Variants in TMEM17 observed in about 807,000 individuals in gnomAD.
TMEM17 encodes the protein transmembrane protein 17.
Under a neutral mutation model 19.1 loss-of-function variants are expected in TMEM17, and 15 were observed. The ratio of observed to expected loss-of-function variants is 0.78; its 90% CI spans 0.52 to 1.21. TMEM17 has a LOEUF of 1.21. Ranked by LOEUF, TMEM17 falls within the 50% of genes most tolerant of loss-of-function variation. The pLI is 0.00. For synonymous variants in TMEM17, 103 were observed against 86.9 expected (o/e 1.19, Z -1.03); for missense variants, 245 against 242.3 (o/e 1.01, Z -0.07).
At chr2:62,481,532 C>T in the TMEM17 span, among the ~76,000 whole-genome samples, 135 of 152,150 alleles carry the variant, frequency 8.9e-4, no homozygotes, top group Non-Finnish European at 1.4e-3. Context: ...AAAAACTTGC[C>T]GCTATTCCTG....
At chr2:62,457,316 G>T in the TMEM17 span, among the ~76,000 whole-genome samples, 3 of 151,952 alleles carry the variant, frequency 2.0e-5, no homozygotes, top group Non-Finnish European at 4.4e-5. This position sits in a 1 kb window ranked among gnomAD's most constrained non-coding sequence, Gnocchi z 4.2. Flanking sequence ...GACTGCCTTG[G>T]GTGTGGCAGC....
chr2:62,500,570 CA>C lies in TMEM17; in HGVS notation c.*638del, dbSNP rs945116766. On this transcript the variant is annotated 3_prime_UTR_variant, in exon 4 of 4. Transcript: ENST00000335390. The stretch of plus-strand genomic sequence containing the variant: ...ACACCATTCTCCTGCCTCAGCCTCC[CA>C]AGTAGCTGGGACTACAGGTGCCTGC... 4 of 152,250 alleles carry C rather than the reference CA, an allele frequency of 2.6e-5. No homozygotes were observed. The highest frequency in any genetic ancestry group is 9.6e-5 in the African/African-American group (4 of 41,472). 9.4% of individuals were successfully genotyped at this position (152,250 alleles called of 1,614,324 possible).
the TMEM17 span, among the ~76,000 whole-genome samples, chr2:62,472,325 G>A: frequency 2.0e-5 from 3 of 152,262 alleles, no homozygotes; most frequent in African/African-American, 7.2e-5. Flanking sequence ...GCAGAGTCTT[G>A]GGGCTTTCCC....
At chr2:62,469,443 T>G in the TMEM17 span, among the ~76,000 whole-genome samples, 1 of 152,282 alleles carries the variant, frequency 6.6e-6, no homozygotes, top group Non-Finnish European at 1.5e-5. Context: ...GCTAATTCTT[T>G]TCTTTTTTCT....
chr2:62,469,805 G>A, the TMEM17 span, among the ~76,000 whole-genome samples: 4 of 152,212 alleles, frequency 2.6e-5, no homozygotes, highest in South Asian at 2.1e-4. Context: ...TTGAGAAGAC[G>A]CAGTGTCTGG....
At chr2:62,465,697 T>C in the TMEM17 span, among the ~76,000 whole-genome samples, 2 of 152,164 alleles carry the variant, frequency 1.3e-5, no homozygotes, top group African/African-American at 4.8e-5. Flanking sequence ...AAGTTTGTTT[T>C]AAAGCCCCAT....
downstream of TMEM17, among the ~76,000 whole-genome samples, chr2:62,496,998 G>A (rs951877922): frequency 1.3e-5 from 2 of 152,170 alleles, no homozygotes; most frequent in Non-Finnish European, 2.9e-5. Context: ...GTGGGTGTGG[G>A]GGAGATAAGA....
At chr2:62,485,277 C>T in the TMEM17 span, among the ~76,000 whole-genome samples, 1 of 152,206 alleles carries the variant, frequency 6.6e-6, no homozygotes, top group Non-Finnish European at 1.5e-5. Flanking sequence ...GATGCCATTG[C>T]TGTAAAAGTG....
chr2:62,488,882 A>T, the TMEM17 span, among the ~76,000 whole-genome samples: 13 of 151,494 alleles, frequency 8.6e-5, no homozygotes, highest in African/African-American at 3.2e-4. Flanking sequence ...TTAAAAAAAA[A>T]GCAAAACAAG....
At chr2:62,464,308 T>C in the TMEM17 span, among the ~76,000 whole-genome samples, 9 of 152,238 alleles carry the variant, frequency 5.9e-5, no homozygotes, top group Non-Finnish European at 8.8e-5. Context: ...AGCCCCCATC[T>C]GGATGCTGCT....
At chr2:62,456,147 T>C in the TMEM17 span, among the ~76,000 whole-genome samples, 1 of 152,206 alleles carries the variant, frequency 6.6e-6, no homozygotes, top group Non-Finnish European at 1.5e-5. Flanking sequence ...AAGGGTCATG[T>C]ATTAGCGTCC....
At chr2:62,461,351 C>T in the TMEM17 span, among the ~76,000 whole-genome samples, 795 of 152,284 alleles carry the variant, frequency 5.2e-3, 9 homozygotes, top group African/African-American at 0.018. Context: ...TGCCCTCAGC[C>T]GCAGGCTCTG....
chr2:62,475,361 G>A, the TMEM17 span, among the ~76,000 whole-genome samples: 4 of 152,222 alleles, frequency 2.6e-5, no homozygotes, highest in Admixed American at 1.3e-4. Flanking sequence ...GCGCCTCTTC[G>A]AGAGGGACCG....
the TMEM17 span, among the ~76,000 whole-genome samples, chr2:62,494,136 C>CT: frequency 6.6e-6 from 1 of 152,188 alleles, no homozygotes; most frequent in Non-Finnish European, 1.5e-5. Flanking sequence ...TCTTATTTAT[C>CT]TTTTTCGTCC....
At chr2:62,493,368 C>T in the TMEM17 span, among the ~76,000 whole-genome samples, 1 of 152,084 alleles carries the variant, frequency 6.6e-6, no homozygotes, top group African/African-American at 2.4e-5. Flanking sequence ...AGAGTAGTGT[C>T]ATGATCAGAT....
the TMEM17 span, among the ~76,000 whole-genome samples, chr2:62,457,179 C>G: frequency 6.6e-6 from 1 of 152,234 alleles, no homozygotes; most frequent in South Asian, 2.1e-4. This position sits in a 1 kb window ranked among gnomAD's most constrained non-coding sequence, Gnocchi z 4.2. Context: ...CGGGGATCGG[C>G]GACCCCGGGC....
At chr2:62,456,521 G>A in the TMEM17 span, among the ~76,000 whole-genome samples, 1 of 152,120 alleles carries the variant, frequency 6.6e-6, no homozygotes, top group African/African-American at 2.4e-5. Flanking sequence ...TGAATAATCC[G>A]GGATAATCTC....
the TMEM17 span, among the ~76,000 whole-genome samples, chr2:62,491,728 C>A: frequency 1.3e-5 from 2 of 151,906 alleles, no homozygotes; most frequent in Non-Finnish European, 2.9e-5. Context: ...AATAAGATAG[C>A]ACATGAAAGC....
chr2:62,504,619 C>T (rs12463386), intron 1 of TMEM17, among the ~76,000 whole-genome samples: 40,519 of 151,834 alleles, frequency 0.27, 5,500 homozygotes, highest in East Asian at 0.45. Context: ...AAGCGTAAGA[C>T]ATAAACTTAC....
Sources: gnomAD v4.1 joint callset for allele counts (sites outside exome capture counted in the v4.1 genomes callset) on GRCh38, gnomAD v4.1.1 for gene constraint, Gnocchi (gnomAD v3.1) non-coding constraint, MANE v1.5 for transcripts, NCBI Gene and HGNC (gene_info 2026-07-23, HGNC 2026-07-21) for gene names.